The following CPA6 variants were observed in gnomAD, a reference collection of about 807,000 sequenced individuals.
The protein encoded by CPA6 is carboxypeptidase A6.
In CPA6, 58 loss-of-function variants were observed where a neutral mutation model predicts 63.3. The observed-to-expected ratio is 0.92, with a 90% confidence interval of 0.74 to 1.14. The LOEUF (loss-of-function observed/expected upper bound fraction) is 1.14. Among genes scored for constraint, CPA6 ranks in the 50% most tolerant of loss-of-function variants. CPA6 has a pLI of 0.00. For missense variants in CPA6, 565 were observed against 526.6 expected (o/e 1.07, Z -0.71); for synonymous variants, 185 against 179.0 (o/e 1.03, Z -0.27).
chr8:67,579,979 C>T (rs1283540938), intron 2 of CPA6, among the ~76,000 whole-genome samples: 2 of 152,116 alleles, frequency 1.3e-5, no homozygotes, highest in Non-Finnish European at 2.9e-5. Flanking sequence ...AATAAACGAA[C>T]ATTGCAACAG....
chr8:67,730,886 T>C (rs903787502), intron 1 of CPA6, among the ~76,000 whole-genome samples: 4 of 152,226 alleles, frequency 2.6e-5, no homozygotes, highest in African/African-American at 9.6e-5. Context: ...CCAGAAGCCA[T>C]GTATAATAAC....
chr8:67,619,152 G>A (rs974391518), intron 2 of CPA6, among the ~76,000 whole-genome samples: 1 of 152,152 alleles, frequency 6.6e-6, no homozygotes. Context: ...TGAATTTATA[G>A]CCTATGCATG....
intron 2 of CPA6, among the ~76,000 whole-genome samples, chr8:67,520,187 C>G (rs545505277): frequency 6.6e-6 from 1 of 152,046 alleles, no homozygotes; most frequent in East Asian, 1.9e-4. Context: ...TAGAGAGGCA[C>G]AGGTAGCTAA....
intron 2 of CPA6, among the ~76,000 whole-genome samples, chr8:67,526,026 C>CT (rs1469708893): frequency 6.6e-6 from 1 of 152,110 alleles, no homozygotes; most frequent in Admixed American, 6.5e-5. Flanking sequence ...TATGCAACCC[C>CT]CTTCCCCCTC....
intron 6 of CPA6, among the ~76,000 whole-genome samples, chr8:67,498,462 G>C (rs1811765989): frequency 7.1e-6 from 1 of 141,788 alleles, no homozygotes; most frequent in Non-Finnish European, 1.5e-5. Context: ...CTTGAACCTG[G>C]AAGGCAGAGG....
intron 1 of CPA6, among the ~76,000 whole-genome samples, chr8:67,662,468 C>A (rs143701253): frequency 7.0e-6 from 1 of 142,500 alleles, no homozygotes; most frequent in Non-Finnish European, 1.6e-5. Context: ...TACATACACA[C>A]GTATATGTAT....
chr8:67,437,758 TG>T (rs1222412161), intron 8 of CPA6, among the ~76,000 whole-genome samples: 2 of 151,744 alleles, frequency 1.3e-5, no homozygotes, highest in East Asian at 3.9e-4. Flanking sequence ...CTAGAAGGCA[TG>T]GGGAAGAGTA....
chr8:67,668,591 A>T (rs893650151), intron 1 of CPA6, among the ~76,000 whole-genome samples: 1 of 152,204 alleles, frequency 6.6e-6, no homozygotes, highest in Non-Finnish European at 1.5e-5. Flanking sequence ...CCCACAAAAA[A>T]TGTGCTCCGG....
chr8:67,486,551 T>C (rs1049568815), intron 6 of CPA6, among the ~76,000 whole-genome samples: 1 of 152,228 alleles, frequency 6.6e-6, no homozygotes, highest in Non-Finnish European at 1.5e-5. Flanking sequence ...TTTCAAGCAA[T>C]GCATGACTGT....
At chr8:67,657,696 A>T (rs12542849) in intron 1 of CPA6, among the ~76,000 whole-genome samples, 50,093 of 152,024 alleles carry the variant, frequency 0.33, 9,365 homozygotes, top group East Asian at 0.59. Flanking sequence ...GGTAGAATAC[A>T]GATACTCAGG....
chr8:67,433,912 A>G, intron 9 of CPA6, 126 bp downstream of exon 9: 1 of 676,208 alleles, frequency 1.5e-6, no homozygotes. Context: ...ATGAATTAAT[A>G]CATGTAAAAT....
chr8:67,508,145 C>T (rs1445310146), intron 5 of CPA6, among the ~76,000 whole-genome samples: 2 of 151,578 alleles, frequency 1.3e-5, no homozygotes, highest in Non-Finnish European at 1.5e-5. Flanking sequence ...GAAGGAAGCT[C>T]AGTACTGAGG....
At chr8:67,570,519 A>G (rs1193526997) in intron 2 of CPA6, among the ~76,000 whole-genome samples, 1 of 152,224 alleles carries the variant, frequency 6.6e-6, no homozygotes, top group African/African-American at 2.4e-5. Context: ...TTACCAAGGG[A>G]TACATATCAC....
intron 2 of CPA6, among the ~76,000 whole-genome samples, chr8:67,529,624 G>A (rs375811572): frequency 1.4e-4 from 21 of 152,278 alleles, no homozygotes; most frequent in Admixed American, 2.6e-4. Flanking sequence ...AAGAGGCTGG[G>A]ATATATTGGA....
At chr8:67,472,741 TA>T (rs1811091971) in intron 8 of CPA6, among the ~76,000 whole-genome samples, 1 of 152,188 alleles carries the variant, frequency 6.6e-6, no homozygotes, top group East Asian at 1.9e-4. Context: ...AAAAGGTTTT[TA>T]AACTTTGTTT....
intron 1 of CPA6, among the ~76,000 whole-genome samples, chr8:67,630,313 A>G (rs114914921): frequency 1.3e-5 from 2 of 151,978 alleles, no homozygotes; most frequent in Non-Finnish European, 2.9e-5. Context: ...GGGACCATGT[A>G]GACATGCTGA....
At chr8:67,667,514 A>C (rs1225294773) in intron 1 of CPA6, among the ~76,000 whole-genome samples, 1 of 152,156 alleles carries the variant, frequency 6.6e-6, no homozygotes, top group Middle Eastern at 3.2e-3. Context: ...TTAGAGAAAA[A>C]AAAAATTAAA....
intron 10 of CPA6, among the ~76,000 whole-genome samples, chr8:67,425,381 T>A (rs573434326): frequency 2.0e-5 from 3 of 152,292 alleles, no homozygotes; most frequent in Non-Finnish European, 4.4e-5. Flanking sequence ...ATTATTATTG[T>A]TATTTTTTCT....
At chr8:67,475,893 T>C (rs1212023307) in intron 8 of CPA6, among the ~76,000 whole-genome samples, 110 of 74,324 alleles carry the variant, frequency 1.5e-3, no homozygotes, top group Non-Finnish European at 1.9e-3. Context: ...TTTCTTTCTT[T>C]CTTTCTTTCT....
Sources: gnomAD v4.1 joint callset for allele counts (sites outside exome capture counted in the v4.1 genomes callset) on GRCh38, gnomAD v4.1.1 for gene constraint, MANE v1.5 for transcripts, NCBI Gene and HGNC (gene_info 2026-07-23, HGNC 2026-07-21) for gene names.